The following DLGAP2 variants were observed in gnomAD, a reference collection of about 807,000 sequenced individuals.
DLGAP2 encodes disks large-associated protein 2.
In DLGAP2, 26 loss-of-function variants were observed where a neutral mutation model predicts 100.3. The observed-to-expected ratio is 0.26, with a 90% confidence interval of 0.19 to 0.36. The LOEUF (loss-of-function observed/expected upper bound fraction) is 0.36, where lower values mean the gene tolerates loss of function less well. Ranked by LOEUF, DLGAP2 falls within the 10% of genes least tolerant of loss-of-function variation. The probability of loss-of-function intolerance (pLI) is 1.00; values close to 1 mark genes in which losing one functional copy is unlikely to be tolerated. For synonymous variants in DLGAP2, 886 were observed against 630.1 expected (o/e 1.41, Z -6.08); for missense variants, 1,858 against 1,453.2 (o/e 1.28, Z -4.53).
chr8:821,065 A>C (rs1462663361), intron 1 of DLGAP2, among the ~76,000 whole-genome samples: 5 of 152,206 alleles, frequency 3.3e-5, no homozygotes, highest in Non-Finnish European at 7.3e-5. Context: ...GTTGATTTTC[A>C]GTTTGTTTAT....
intron 2 of DLGAP2, among the ~76,000 whole-genome samples, chr8:1,048,520 G>T (rs977076398): frequency 2.6e-5 from 4 of 151,726 alleles, no homozygotes; most frequent in Admixed American, 2.0e-4. Context: ...ACTCCGCAAG[G>T]CCCCTGCTGT....
intron 2 of DLGAP2, among the ~76,000 whole-genome samples, chr8:1,176,864 A>C (rs1367732743): frequency 6.6e-6 from 1 of 152,084 alleles, no homozygotes; most frequent in Non-Finnish European, 1.5e-5. Flanking sequence ...ATGGAGTAGC[A>C]GAGAGAGCCA....
intron 1 of DLGAP2, among the ~76,000 whole-genome samples, chr8:782,991 A>G (rs746427204): frequency 6.6e-6 from 1 of 152,216 alleles, no homozygotes; most frequent in Non-Finnish European, 1.5e-5. Context: ...TGTCTGCAGC[A>G]CTTCGTGAGA....
At position 830,822 on chromosome 8, in the gene DLGAP2, A is replaced by G. The variant is rs559702918; in HGVS notation, c.19-77090A>G. On this transcript the variant is annotated intron_variant, in intron 1 of 14. Transcript: ENST00000637795. The stretch of plus-strand genomic sequence containing the variant: ...TTTTGTTTCATATGTAAGAAGTAAA[A>G]TTTCTGACTTTGGTGCCTTACTTTA... Among the ~76,000 whole-genome samples, 69 of 151,644 alleles carry G rather than the reference A, an allele frequency of 4.6e-4. 1 individual carries two copies. Among genetic ancestry groups the G allele is most frequent in the African/African-American group, 1.5e-3 (63 of 41,388 alleles).
At chr8:1,507,890 C>G (rs947636055) in intron 4 of DLGAP2, among the ~76,000 whole-genome samples, 1 of 147,988 alleles carries the variant, frequency 6.8e-6, no homozygotes, top group African/African-American at 2.5e-5. Flanking sequence ...CCTTGACCTT[C>G]CTGCACTGCC....
chr8:1,317,597 C>G (rs1217902083), intron 3 of DLGAP2, among the ~76,000 whole-genome samples: 38 of 123,606 alleles, frequency 3.1e-4, no homozygotes, highest in African/African-American at 6.6e-4. Flanking sequence ...AAAATACAGG[C>G]TGTGCGAGTG....
chr8:1,370,218 C>T (rs1802204907), intron 3 of DLGAP2, among the ~76,000 whole-genome samples: 1 of 152,144 alleles, frequency 6.6e-6, no homozygotes, highest in Non-Finnish European at 1.5e-5. Context: ...GTGGCCGACT[C>T]TGAAGGCAGG....
intron 3 of DLGAP2, among the ~76,000 whole-genome samples, chr8:1,491,077 C>CAAAAAA (rs386411871): frequency 1.2e-4 from 8 of 64,524 alleles, no homozygotes; most frequent in African/African-American, 2.6e-4. Context: ...AACTGGAAAC[C>CAAAAAA]AAAAAAAAAA....
At chr8:818,700 A>C (rs914378646) in intron 1 of DLGAP2, among the ~76,000 whole-genome samples, 2 of 152,254 alleles carry the variant, frequency 1.3e-5, no homozygotes, top group African/African-American at 4.8e-5. Flanking sequence ...AACTGTGCTG[A>C]GAATAGGAAA....
Position 1,591,878 on chromosome 8 carries a change from A to C in DLGAP2, c.1442+25984A>C, listed in dbSNP as rs189017848. Among the ~76,000 whole-genome samples the C allele has an allele frequency of 6.6e-5, 10 of 152,226 alleles. 1 individual carries two copies. The highest frequency in any genetic ancestry group is 3.9e-4 in the Admixed American group (6 of 15,298). On this transcript the variant is annotated intron_variant, in intron 6 of 14. Transcript: ENST00000637795. ...CGTCAATAATTCTGACATGAACTACAAACTCCCACGGACTCCCAGGGAGGT... is the reference window on the plus strand; with the variant it reads ...CGTCAATAATTCTGACATGAACTACCAACTCCCACGGACTCCCAGGGAGGT...
At position 1,276,041 on chromosome 8, in the gene DLGAP2, TA is replaced by T. The variant is rs542479331; in HGVS notation, c.106+17163del. ...AATATATAAATAAATATATAACGTA[TA>T]AAAATATATAATATATAAAAATAAA... On this transcript the variant is annotated intron_variant, in intron 3 of 14. Coordinates refer to ENST00000637795, the MANE Select transcript of DLGAP2 (RefSeq NM_001346810.2). Among the ~76,000 whole-genome samples, 27 of 138,132 alleles carry T rather than the reference TA, an allele frequency of 2.0e-4. No homozygotes were observed. In the Admixed American group the frequency reaches 2.0e-3, roughly 10 times the overall value. The allele number at this position is 138,132 out of a possible 152,430, so 90.6% of individuals were successfully genotyped here. A position where few individuals can be genotyped will look rare whatever the true frequency, so the allele number is the denominator to read the frequency against.
intron 3 of DLGAP2, among the ~76,000 whole-genome samples, chr8:1,292,671 C>T (rs1433593439): frequency 6.6e-6 from 1 of 152,202 alleles, no homozygotes; most frequent in African/African-American, 2.4e-5. Context: ...CGCTCGGACG[C>T]TTTGTAGACT....
At chr8:1,452,622 C>G (rs1409436000) in intron 3 of DLGAP2, among the ~76,000 whole-genome samples, 1 of 152,180 alleles carries the variant, frequency 6.6e-6, no homozygotes, top group Admixed American at 6.5e-5. Flanking sequence ...ATGGAGAATT[C>G]TGGAGGGAAA....
At position 1,581,279 on chromosome 8, in the gene DLGAP2, G is replaced by A. The variant is rs912257868; in HGVS notation, c.1442+15385G>A. ...CACAGTCAAACTACCAGAAGAGAAGGATACAGACAAAACCCCACACACATC... is the reference window on the plus strand; with the variant it reads ...CACAGTCAAACTACCAGAAGAGAAGAATACAGACAAAACCCCACACACATC... On this transcript the variant is annotated intron_variant, in intron 6 of 14. Coordinates refer to ENST00000637795, the MANE Select transcript of DLGAP2 (RefSeq NM_001346810.2). Among the ~76,000 whole-genome samples, 9 of 141,794 alleles carry A rather than the reference G, an allele frequency of 6.3e-5. 1 individual carries two copies. The highest frequency in any genetic ancestry group is 4.3e-4 in the East Asian group (2 of 4,694). 93.0% of individuals were successfully genotyped at this position (141,794 alleles called of 152,430 possible).
intron 8 of DLGAP2, among the ~76,000 whole-genome samples, chr8:1,653,269 G>A (rs1335043644): frequency 6.6e-6 from 1 of 152,198 alleles, no homozygotes; most frequent in East Asian, 1.9e-4. Context: ...GGAGACACTG[G>A]CATTGCATTG....
At chr8:943,332 T>G (rs1056972337) in intron 2 of DLGAP2, among the ~76,000 whole-genome samples, 1 of 152,222 alleles carries the variant, frequency 6.6e-6, no homozygotes, top group African/African-American at 2.4e-5. Flanking sequence ...GATTTTACAT[T>G]TTTTAATGTG....
intron 3 of DLGAP2, among the ~76,000 whole-genome samples, chr8:1,304,781 C>A (rs892526112): frequency 6.6e-6 from 1 of 152,272 alleles, no homozygotes; most frequent in Non-Finnish European, 1.5e-5. Flanking sequence ...GGGTCCTGTA[C>A]TTGTAAATCC....
At chr8:1,662,850 G>T (rs1433210373) in intron 8 of DLGAP2, among the ~76,000 whole-genome samples, 1 of 151,224 alleles carries the variant, frequency 6.6e-6, no homozygotes, top group Non-Finnish European at 1.5e-5. Context: ...ATGTGTGCCT[G>T]TGTGTACACG....
intron 1 of DLGAP2, among the ~76,000 whole-genome samples, chr8:796,827 T>G (rs922388224): frequency 6.6e-6 from 1 of 152,204 alleles, no homozygotes; most frequent in Non-Finnish European, 1.5e-5. Flanking sequence ...AGGTGGCTTC[T>G]GTGTTCCAGC....
Sources: gnomAD v4.1 joint callset for allele counts (sites outside exome capture counted in the v4.1 genomes callset) on GRCh38, gnomAD v4.1.1 for gene constraint, MANE v1.5 for transcripts, NCBI Gene and HGNC (gene_info 2026-07-23, HGNC 2026-07-21) for gene names.